Variants in GRIK3 observed in about 807,000 individuals in gnomAD.
GRIK3 encodes glutamate receptor ionotropic, kainate 3.
A neutral mutation model predicts 102.5 loss-of-function variants in GRIK3; 29 were observed. That is an observed-to-expected ratio of 0.28 (90% CI 0.21 to 0.39). GRIK3 has a LOEUF of 0.39. Among genes scored for constraint, GRIK3 ranks in the 10% least tolerant of loss-of-function variants. The probability of loss-of-function intolerance (pLI) is 1.00; values close to 1 mark genes in which losing one functional copy is unlikely to be tolerated. For synonymous variants in GRIK3, 511 were observed against 504.9 expected (o/e 1.01, Z -0.16); for missense variants, 908 against 1,252.4 (o/e 0.73, Z 4.15).
rs1194950180 is a variant in GRIK3, at chr1:37,014,909, TTCTC to T, written c.115+19081_115+19084del. 1.5e-3 allele frequency among the ~76,000 whole-genome samples: 216 copies of T among 144,110 alleles called. 2 individuals are homozygous for T. Among genetic ancestry groups the T allele is most frequent in the Non-Finnish European group, 2.4e-3 (157 of 65,854 alleles). 94.5% of individuals were successfully genotyped at this position (144,110 alleles called of 152,430 possible). On this transcript the variant is annotated intron_variant, in intron 1 of 15. Coordinates refer to ENST00000373091, the MANE Select transcript of GRIK3 (RefSeq NM_000831.4). ...TTCTCTTCTCTCTCTCTATCTCTGT[TTCTC>T]TCTCTCTCTCTCTGTTTTTGTCTCT...
In GRIK3 at chr1:36,880,701, A is replaced by C. The variant is rs1640964348; in HGVS notation, c.483T>G (p.His161Gln). The C allele has an allele frequency of 6.2e-7, 1 of 1,614,120 alleles. No individual in the cohort carries two copies. ...NLYPDYASLS[H>Q]AILDLVQYLK... ...GGTACTGGACCAGGTCGAGGATGGCATGGCTGAGCGAGGCGTAGTCGGGGT... is the reference window on the plus strand; with the variant it reads ...GGTACTGGACCAGGTCGAGGATGGCCTGGCTGAGCGAGGCGTAGTCGGGGT... The change falls in exon 3 of 16, where the codon CAT becomes CAG. Residue 161 changes from histidine to glutamine, a missense_variant. Coordinates refer to ENST00000373091, the MANE Select transcript of GRIK3 (RefSeq NM_000831.4). This position sits in a 1 kb window ranked among gnomAD's most constrained non-coding sequence, Gnocchi z 5.4.
chr1:36,894,372 C>T lies in GRIK3; in HGVS notation c.116-3276G>A, dbSNP rs935070415. Among the ~76,000 whole-genome samples, 7 of 152,266 alleles carry T rather than the reference C, an allele frequency of 4.6e-5. No homozygotes were observed. In the East Asian group the frequency reaches 7.7e-4, roughly 17 times the overall value. On this transcript the variant is annotated intron_variant, in intron 1 of 15. Coordinates refer to ENST00000373091, the MANE Select transcript of GRIK3 (RefSeq NM_000831.4). ...GCTAAATAATATTACTTTGTATAGA[C>T]GTACCACATTTTATTTTTCTATCCA...
At chr1:36,815,741 G>A (rs1337168836) in intron 13 of GRIK3, among the ~76,000 whole-genome samples, 1 of 152,122 alleles carries the variant, frequency 6.6e-6, no homozygotes, top group Non-Finnish European at 1.5e-5. Context: ...GGTGGGGCCT[G>A]CAAGCTGTGT....
intron 1 of GRIK3, among the ~76,000 whole-genome samples, chr1:36,917,120 G>A (rs1356881743): frequency 6.6e-6 from 1 of 152,216 alleles, no homozygotes; most frequent in African/African-American, 2.4e-5. Context: ...AGTCAAAGGA[G>A]ATCATTTTGG....
At chr1:36,959,576 T>C (rs1299332488) in intron 1 of GRIK3, among the ~76,000 whole-genome samples, 3 of 126,730 alleles carry the variant, frequency 2.4e-5, no homozygotes, top group Non-Finnish European at 3.5e-5. Flanking sequence ...TCCATGAGCC[T>C]GTGTGCCCCA....
At chr1:36,816,955 C>A in intron 13 of GRIK3, 105 bp downstream of exon 13, 1 of 753,590 alleles carries the variant, frequency 1.3e-6, no homozygotes, top group Non-Finnish European at 2.2e-6. Flanking sequence ...ACCCATTGGC[C>A]ATGCGTGGTT....
chr1:36,903,338 C>G (rs1023507708), intron 1 of GRIK3, among the ~76,000 whole-genome samples: 1 of 152,202 alleles, frequency 6.6e-6, no homozygotes, highest in Admixed American at 6.5e-5. Context: ...GGCAAGGATG[C>G]GGGGCAACAG....
At chr1:36,971,331 G>A (rs1317896933) in intron 1 of GRIK3, among the ~76,000 whole-genome samples, 1 of 152,152 alleles carries the variant, frequency 6.6e-6, no homozygotes, top group Non-Finnish European at 1.5e-5. Context: ...CATACAAATG[G>A]AAGGCTGCCT....
At chr1:36,844,473 C>G (rs1640497512) in intron 9 of GRIK3, among the ~76,000 whole-genome samples, 1 of 152,220 alleles carries the variant, frequency 6.6e-6, no homozygotes, top group Non-Finnish European at 1.5e-5. Context: ...GCCTGGCGAG[C>G]AGGGTCTTTT....
intron 10 of GRIK3, among the ~76,000 whole-genome samples, chr1:36,829,335 A>C (rs1642789282): frequency 6.6e-6 from 1 of 152,166 alleles, no homozygotes; most frequent in Admixed American, 6.5e-5. Context: ...ATAGGCTGTC[A>C]GAGCTGGATG....
In GRIK3 at chr1:36,909,299, T is replaced by G. The variant is rs1264444578; in HGVS notation, c.116-18203A>C. Among the ~76,000 whole-genome samples the G allele has an allele frequency of 3.9e-5, 6 of 152,022 alleles. No individual in the cohort carries two copies. In the East Asian group the frequency reaches 1.2e-3, roughly 29 times the overall value. ...GCAGATACTACAAATCAGGGCTTTTTTTTTTTTTTTCCTTCCTGAGATGGA... is the reference window on the plus strand; with the variant it reads ...GCAGATACTACAAATCAGGGCTTTTGTTTTTTTTTTCCTTCCTGAGATGGA... On this transcript the variant is annotated intron_variant, in intron 1 of 15. Transcript: ENST00000373091.
chr1:36,912,303 T>C (rs762855108), intron 1 of GRIK3, among the ~76,000 whole-genome samples: 2 of 152,104 alleles, frequency 1.3e-5, no homozygotes, highest in African/African-American at 2.4e-5. Context: ...GGCCAGCACA[T>C]GGGACAGGCT....
intron 9 of GRIK3, among the ~76,000 whole-genome samples, chr1:36,849,077 C>G (rs1223096056): frequency 1.3e-5 from 2 of 152,154 alleles, no homozygotes; most frequent in African/African-American, 2.4e-5. Flanking sequence ...TGGTGAGACT[C>G]ACAGGCTAAC....
intron 5 of GRIK3, among the ~76,000 whole-genome samples, chr1:36,866,914 G>A (rs1038914916): frequency 6.6e-6 from 1 of 152,192 alleles, no homozygotes; most frequent in Admixed American, 6.5e-5. Flanking sequence ...CCTACCATGT[G>A]CCAGCTTCTA....
At chr1:36,949,872 C>T (rs577996748) in intron 1 of GRIK3, among the ~76,000 whole-genome samples, 1 of 152,292 alleles carries the variant, frequency 6.6e-6, no homozygotes, top group South Asian at 2.1e-4. Context: ...AGCCACCACG[C>T]CTGGCCCTAA....
chr1:36,831,981 A>G (rs1256569470), intron 10 of GRIK3, among the ~76,000 whole-genome samples: 1 of 150,594 alleles, frequency 6.6e-6, no homozygotes, highest in African/African-American at 2.4e-5. Flanking sequence ...TTCCTCCCCA[A>G]ACTCTTTGTC....
intron 1 of GRIK3, among the ~76,000 whole-genome samples, chr1:36,984,888 A>T (rs1343785759): frequency 6.6e-6 from 1 of 152,208 alleles, no homozygotes; most frequent in Non-Finnish European, 1.5e-5. Flanking sequence ...AGCCTGACAC[A>T]TGCACAGTGG....
chr1:36,936,449 T>C (rs1641658167), intron 1 of GRIK3, among the ~76,000 whole-genome samples: 1 of 152,186 alleles, frequency 6.6e-6, no homozygotes, highest in Non-Finnish European at 1.5e-5. Flanking sequence ...TTGCAAGATC[T>C]TAGGAAAGCA....
At chr1:37,008,880 G>A (rs1380825952) in intron 1 of GRIK3, among the ~76,000 whole-genome samples, 2 of 152,150 alleles carry the variant, frequency 1.3e-5, no homozygotes, top group Admixed American at 1.3e-4. Flanking sequence ...TACAACAATG[G>A]AATAATTCCA....
Sources: gnomAD v4.1 joint callset for allele counts (sites outside exome capture counted in the v4.1 genomes callset) on GRCh38, gnomAD v4.1.1 for gene constraint, Gnocchi (gnomAD v3.1) non-coding constraint, MANE v1.5 for transcripts, NCBI Gene and HGNC (gene_info 2026-07-23, HGNC 2026-07-21) for gene names.